Variants in ATRNL1 observed in about 807,000 individuals in gnomAD.
ATRNL1 encodes attractin like 1, also known as attractin-like protein 1.
Under a neutral mutation model 182.7 loss-of-function variants are expected in ATRNL1, and 95 were observed. That is an observed-to-expected ratio of 0.52 (90% CI 0.44 to 0.62). The LOEUF (loss-of-function observed/expected upper bound fraction) is 0.62. ATRNL1 is among the 20% of genes least tolerant of loss of function. The probability of loss-of-function intolerance (pLI) is 0.00; values close to 1 mark genes in which losing one functional copy is unlikely to be tolerated. For synonymous variants in ATRNL1, 576 were observed against 568.3 expected, an observed-to-expected ratio of 1.01 and a Z score of -0.19; for missense variants, 1,471 against 1,679.5, an observed-to-expected ratio of 0.88 and a Z score of 2.17.
At chr10:115,602,330 T>G (rs2804220) in intron 26 of ATRNL1, among the ~76,000 whole-genome samples, 148,136 of 152,260 alleles carry the variant, frequency 0.97, 72,220 homozygotes, top group East Asian at 1. Flanking sequence ...CTCCAGCCTG[T>G]GCAAAAGAGC....
At chr10:115,135,096 A>C (rs1554876297) in intron 5 of ATRNL1, among the ~76,000 whole-genome samples, 1 of 151,980 alleles carries the variant, frequency 6.6e-6, no homozygotes, top group African/African-American at 2.4e-5. Context: ...ATGGGCAAAA[A>C]CTGGAAGCAT....
At chr10:115,328,261 G>A (rs1486797218) in intron 18 of ATRNL1, among the ~76,000 whole-genome samples, 3 of 151,842 alleles carry the variant, frequency 2.0e-5, no homozygotes, top group Admixed American at 6.6e-5. Flanking sequence ...TTCCATAAAC[G>A]TATTTATACA....
At chr10:115,239,314 C>CCTCT (rs1402859267) in intron 9 of ATRNL1, among the ~76,000 whole-genome samples, 4 of 152,018 alleles carry the variant, frequency 2.6e-5, no homozygotes, top group African/African-American at 9.7e-5. Context: ...CTCGCTGGAA[C>CCTCT]CTCTGCCTCC....
rs563797003 is a variant in ATRNL1, at chr10:115,796,355, G to A, written c.3904-51522G>A. Among the ~76,000 whole-genome samples the A allele has an allele frequency of 2.0e-5, 3 of 152,018 alleles. No individual in the cohort carries two copies. The South Asian group carries it at 6.2e-4, about 32-fold the overall frequency. On this transcript the variant is annotated intron_variant, in intron 27 of 28. Transcript: ENST00000355044. ...TGGTTTCCCCTTCCCACCTAATCTG[G>A]ACACCTACCTTGCTCTGCTGCCCCT...
At chr10:115,285,901 T>C (rs1359834208) in intron 14 of ATRNL1, among the ~76,000 whole-genome samples, 3 of 152,012 alleles carry the variant, frequency 2.0e-5, no homozygotes, top group Non-Finnish European at 4.4e-5. Flanking sequence ...GGGACATAAA[T>C]ATAGTAGTGA....
intron 19 of ATRNL1, among the ~76,000 whole-genome samples, chr10:115,374,408 A>G (rs1857552812): frequency 6.7e-6 from 1 of 148,876 alleles, no homozygotes; most frequent in Admixed American, 6.7e-5. Context: ...CTTTGGACTC[A>G]ACTTTCTTTT....
chr10:115,203,117 A>T (rs149069870), intron 8 of ATRNL1, among the ~76,000 whole-genome samples: 4 of 152,138 alleles, frequency 2.6e-5, no homozygotes, highest in African/African-American at 4.8e-5. Context: ...GTATGAAATG[A>T]TTGTATTTTA....
At chr10:115,349,397 T>C (rs782131010) in intron 19 of ATRNL1, among the ~76,000 whole-genome samples, 1 of 152,252 alleles carries the variant, frequency 6.6e-6, no homozygotes, top group African/African-American at 2.4e-5. Context: ...ATCTTGCCTA[T>C]TGCAAATAAT....
intron 5 of ATRNL1, among the ~76,000 whole-genome samples, chr10:115,146,341 T>G (rs1353809517): frequency 1.3e-5 from 2 of 152,272 alleles, no homozygotes; most frequent in South Asian, 4.1e-4. Flanking sequence ...TACTTATTTT[T>G]TATTGATACA....
intron 1 of ATRNL1, among the ~76,000 whole-genome samples, chr10:115,105,723 G>GCT (rs1412562060): frequency 6.6e-6 from 1 of 152,246 alleles, no homozygotes; most frequent in Non-Finnish European, 1.5e-5. Flanking sequence ...GAGGGTGCAA[G>GCT]CTCCAAGCCT....
At chr10:115,688,629 A>G (rs1946294700) in intron 26 of ATRNL1, among the ~76,000 whole-genome samples, 1 of 151,980 alleles carries the variant, frequency 6.6e-6, no homozygotes, top group South Asian at 2.1e-4. Context: ...AGAAACAACT[A>G]TTCGTGTCCT....
chr10:115,646,015 T>A (rs934673411), intron 26 of ATRNL1, among the ~76,000 whole-genome samples: 1 of 144,274 alleles, frequency 6.9e-6, no homozygotes, highest in African/African-American at 2.5e-5. Context: ...CTTTGGTATG[T>A]TTTTACAAAA....
At chr10:115,324,186 A>T in intron 18 of ATRNL1, among the ~76,000 whole-genome samples, 1 of 151,330 alleles carries the variant, frequency 6.6e-6, no homozygotes, top group South Asian at 2.1e-4. Context: ...TTAATTTAGA[A>T]TTTTTTTTTC....
intron 19 of ATRNL1, among the ~76,000 whole-genome samples, chr10:115,377,351 A>G (rs953320349): frequency 1.3e-5 from 2 of 152,112 alleles, no homozygotes; most frequent in Non-Finnish European, 2.9e-5. Context: ...AAAAAGTGCC[A>G]TTCACCTTCC....
At chr10:115,194,349 T>C (rs1848278147) in intron 8 of ATRNL1, among the ~76,000 whole-genome samples, 1 of 152,022 alleles carries the variant, frequency 6.6e-6, no homozygotes, top group Non-Finnish European at 1.5e-5. Flanking sequence ...GATCTAATAA[T>C]GTTTGCATTA....
At chr10:115,840,841 C>T (rs1950789912) in intron 27 of ATRNL1, among the ~76,000 whole-genome samples, 1 of 151,524 alleles carries the variant, frequency 6.6e-6, no homozygotes, top group African/African-American at 2.4e-5. Flanking sequence ...AATGGAGGGG[C>T]CTGAAAAAAA....
intron 27 of ATRNL1, among the ~76,000 whole-genome samples, chr10:115,760,659 ATTC>A (rs1241686237): frequency 6.6e-6 from 1 of 152,214 alleles, no homozygotes; most frequent in Non-Finnish European, 1.5e-5. Context: ...AAACAATATT[ATTC>A]TTATTAGCTA....
chr10:115,094,012 G>A lies in ATRNL1; in HGVS notation c.262G>A (p.Asp88Asn). The A allele has an allele frequency of 1.3e-6, 2 of 1,575,032 alleles. No homozygotes were observed. The highest frequency in any genetic ancestry group is 1.7e-6 in the Non-Finnish European group (2 of 1,162,192). Residue 88 changes from aspartate to asparagine, a missense_variant, in exon 1 of 29, where the codon GAC (aspartate) becomes AAC (asparagine). Coordinates refer to ENST00000355044, the MANE Select transcript of ATRNL1 (RefSeq NM_207303.4). ...TCLCDPGWVG[D>N]QCQHCQGRFK... is the part of the protein sequence containing the mutation. Reference sequence around the variant, plus strand: ...CCTCTGCGACCCGGGCTGGGTGGGGGACCAGTGCCAGCACTGCCAGGGCAG... The same window carrying A: ...CCTCTGCGACCCGGGCTGGGTGGGGAACCAGTGCCAGCACTGCCAGGGCAG...
intron 28 of ATRNL1, among the ~76,000 whole-genome samples, chr10:115,860,740 G>A (rs531769635): frequency 3.3e-5 from 5 of 152,182 alleles, no homozygotes; most frequent in Middle Eastern, 3.4e-3. Flanking sequence ...GATAACTTCC[G>A]GGACTAATTC....
Sources: gnomAD v4.1 joint callset for allele counts (sites outside exome capture counted in the v4.1 genomes callset) on GRCh38, gnomAD v4.1.1 for gene constraint, MANE v1.5 for transcripts, NCBI Gene and HGNC (gene_info 2026-07-23, HGNC 2026-07-21) for gene names.